Variants in PAM observed in about 807,000 individuals in gnomAD.
PAM encodes the protein peptidylglycine alpha-amidating monooxygenase, also known as peptidyl-glycine alpha-amidating monooxygenase.
PAM carries 72 observed loss-of-function variants against 122.1 expected under a neutral mutation model. The observed-to-expected ratio is 0.59, with a 90% confidence interval of 0.49 to 0.72. The LOEUF (loss-of-function observed/expected upper bound fraction) is 0.72, where lower values mean the gene tolerates loss of function less well. Among genes scored for constraint, PAM ranks in the 30% least tolerant of loss-of-function variants. PAM has a pLI of 0.00. For missense variants in PAM, 1,106 were observed against 1,183.7 expected (o/e 0.93, Z 0.96); for synonymous variants, 389 against 404.4 (o/e 0.96, Z 0.46).
intron 3 of PAM, among the ~76,000 whole-genome samples, chr5:102,869,842 A>G (rs985510186): frequency 7.2e-5 from 11 of 152,258 alleles, no homozygotes; most frequent in Non-Finnish European, 1.6e-4. Flanking sequence ...TTAAGAGGAA[A>G]GGAGGTGAAA....
chr5:102,767,527 C>G (rs971369478), intron 1 of PAM, among the ~76,000 whole-genome samples: 2 of 152,142 alleles, frequency 1.3e-5, no homozygotes, highest in South Asian at 2.1e-4. Flanking sequence ...CAGAGTGGCA[C>G]ATAGAGCATA....
intron 1 of PAM, among the ~76,000 whole-genome samples, chr5:102,817,062 T>G (rs1396675885): frequency 6.6e-6 from 1 of 152,134 alleles, no homozygotes; most frequent in African/African-American, 2.4e-5. Flanking sequence ...TGGGGATGCA[T>G]GTTTATTTCT....
intron 23 of PAM, among the ~76,000 whole-genome samples, chr5:103,022,518 G>C (rs1221744200): frequency 6.6e-6 from 1 of 152,012 alleles, no homozygotes; most frequent in African/African-American, 2.4e-5. Context: ...TTGCTTTAAA[G>C]AAGAAGAAAA....
chr5:102,928,245 C>G (rs1429170506), intron 7 of PAM, among the ~76,000 whole-genome samples: 1 of 152,198 alleles, frequency 6.6e-6, no homozygotes, highest in African/African-American at 2.4e-5. Context: ...CTAACAGATA[C>G]TGCATTGATA....
chr5:102,837,813 T>C (rs1790215948), intron 1 of PAM: 1 of 152,196 alleles, frequency 6.6e-6, no homozygotes, highest in African/African-American at 2.4e-5. Flanking sequence ...TGAAGATCTG[T>C]ATGATTCATT....
chr5:103,004,964 G>A (rs1045321517), intron 17 of PAM, among the ~76,000 whole-genome samples, 190 bp from the exon 18 acceptor site: 8 of 151,906 alleles, frequency 5.3e-5, no homozygotes, highest in Non-Finnish European at 8.8e-5. Context: ...TACTACCTAA[G>A]GTTTGTCACA....
chr5:102,791,000 A>G (rs1040550279), intron 1 of PAM, among the ~76,000 whole-genome samples: 13 of 152,124 alleles, frequency 8.5e-5, no homozygotes, highest in Non-Finnish European at 5.9e-5. Flanking sequence ...ACATAAAATT[A>G]AGATAACTGA....
chr5:103,029,928 A>G (rs1024735252), downstream of PAM: 2 of 152,206 alleles, frequency 1.3e-5, no homozygotes, highest in African/African-American at 4.8e-5. Context: ...AGGCTCTTCT[A>G]AAATCCAAAG....
intron 7 of PAM, among the ~76,000 whole-genome samples, chr5:102,927,908 T>C (rs1240032248): frequency 6.6e-6 from 1 of 152,100 alleles, no homozygotes; most frequent in African/African-American, 2.4e-5. Flanking sequence ...AATCTTAAAC[T>C]GTTAACTCTC....
chr5:102,941,450 T>C (rs1755187712), intron 7 of PAM, among the ~76,000 whole-genome samples: 2 of 152,228 alleles, frequency 1.3e-5, no homozygotes, highest in African/African-American at 4.8e-5. Context: ...GCACTGAAGG[T>C]CATCTGCTAA....
rs146030814 is a variant in PAM at position 102,989,091 on chromosome 5, A to G, written c.1484-1181A>G. On this transcript the variant is annotated intron_variant, in intron 15 of 25. Transcript: ENST00000438793. ...ATCTTTGTTGAAGAATTTGGGAGGGACAGAAATATCAACGCTGATACAATA... is the reference window on the plus strand; with the variant it reads ...ATCTTTGTTGAAGAATTTGGGAGGGGCAGAAATATCAACGCTGATACAATA... 7.8e-3 allele frequency among the ~76,000 whole-genome samples: 1,193 copies of G among 152,252 alleles called. 8 individuals carry two copies. The highest frequency in any genetic ancestry group is 0.051 in the Middle Eastern group (15 of 294).
At chr5:102,792,602 G>T (rs1320838079) in intron 1 of PAM, among the ~76,000 whole-genome samples, 4 of 152,112 alleles carry the variant, frequency 2.6e-5, no homozygotes, top group Admixed American at 2.6e-4. Context: ...GTTGGAATGG[G>T]GCAGTGTAAT....
chr5:102,974,612 T>G (rs1310422645), intron 15 of PAM, 176 bp downstream of exon 15: 7 of 516,122 alleles, frequency 1.4e-5, no homozygotes, highest in Admixed American at 1.1e-4. Context: ...GATTTTTTTT[T>G]GTTTTGGTTT....
chr5:102,832,004 T>G (rs258242), intron 1 of PAM, among the ~76,000 whole-genome samples: 75 of 151,784 alleles, frequency 4.9e-4, no homozygotes, highest in African/African-American at 1.8e-3. Flanking sequence ...CAAAGTTTTA[T>G]CTTCCATTGA....
intron 5 of PAM, among the ~76,000 whole-genome samples, chr5:102,924,365 G>A (rs1055282062): frequency 2.6e-5 from 4 of 151,078 alleles, no homozygotes; most frequent in African/African-American, 4.9e-5. Flanking sequence ...CCCAGGAGGC[G>A]GAGGTTGCAG....
intron 15 of PAM, among the ~76,000 whole-genome samples, chr5:102,989,454 CT>C (rs1450826388): frequency 6.6e-6 from 1 of 152,174 alleles, no homozygotes; most frequent in Admixed American, 6.6e-5. Context: ...CTTCAGTGAG[CT>C]GTGACTGTAC....
At chr5:102,759,098 G>T (rs1328159305) in intron 1 of PAM, among the ~76,000 whole-genome samples, 1 of 152,134 alleles carries the variant, frequency 6.6e-6, no homozygotes, top group Non-Finnish European at 1.5e-5. Context: ...TGTAAACAGA[G>T]AATTATAAAT....
chr5:102,883,370 G>T (rs1309267630), intron 3 of PAM, among the ~76,000 whole-genome samples: 52 of 151,968 alleles, frequency 3.4e-4, no homozygotes, highest in Admixed American at 3.4e-3. Context: ...CCATTTGTTT[G>T]TGTCACCTAT....
intron 12 of PAM, among the ~76,000 whole-genome samples, chr5:102,955,725 T>G (rs1760481512): frequency 6.6e-6 from 1 of 151,988 alleles, no homozygotes; most frequent in African/African-American, 2.4e-5. Flanking sequence ...TAAAGGGCCA[T>G]TCAGTGGACA....
Sources: allele counts gnomAD v4.1 joint callset (sites outside exome capture counted in the v4.1 genomes callset), GRCh38; gene constraint gnomAD v4.1.1; transcripts MANE v1.5; gene names NCBI Gene and HGNC (gene_info 2026-07-23, HGNC 2026-07-21).